The following C3orf49 variants were observed in gnomAD, a reference collection of about 807,000 sequenced individuals.
C3orf49 encodes chromosome 3 open reading frame 49.
In C3orf49, 27 loss-of-function variants were observed where a neutral mutation model predicts 13.3. The ratio of observed to expected loss-of-function variants is 2.02; its 90% CI spans 1.49 to 2.79. The LOEUF is 2.79. Ranked by LOEUF, C3orf49 falls within the 30% of genes most tolerant of loss-of-function variation. The pLI is 0.00. For synonymous variants in C3orf49, 87 were observed against 47.6 expected (o/e 1.83, Z -3.40); for missense variants, 242 against 134.2 (o/e 1.80, Z -3.97).
At chr3:63,830,444 C>G (rs1369293704) in intron 3 of C3orf49, among the ~76,000 whole-genome samples, 1 of 152,104 alleles carries the variant, frequency 6.6e-6, no homozygotes, top group Non-Finnish European at 1.5e-5. Flanking sequence ...GTCCCATATC[C>G]TACTTTGTGT....
intron 6 of C3orf49, among the ~76,000 whole-genome samples, chr3:63,848,047 C>T (rs569736301): frequency 2.0e-5 from 3 of 152,156 alleles, no homozygotes; most frequent in African/African-American, 7.2e-5. Flanking sequence ...CTCTTTGTAC[C>T]AATAAGATAC....
rs1701697516 is a variant in C3orf49 at position 63,839,010 on chromosome 3, G to A, written c.850-6013G>A. 2.0e-5 allele frequency among the ~76,000 whole-genome samples: 3 copies of A among 152,152 alleles called. 1 individual carries two copies. Among genetic ancestry groups the A allele is most frequent in the Admixed American group, 2.0e-4 (3 of 15,280 alleles). On this transcript the variant is annotated intron_variant, in intron 5 of 6. Transcript: ENST00000295896. ...GTTTGACACCAGCCTGGCCAACATG[G>A]TGAAACCCCATCTCTACTAAAATAC...
the C3orf49 span, among the ~76,000 whole-genome samples, chr3:63,789,456 A>C: frequency 6.6e-6 from 1 of 152,160 alleles, no homozygotes; most frequent in African/African-American, 2.4e-5. Context: ...TGTAACTTTG[A>C]ATCTTCATTT....
At chr3:63,831,252 G>A (rs1312728764) in intron 4 of C3orf49, 29 bp downstream of exon 4, 1 of 696,468 alleles carries the variant, frequency 1.4e-6, no homozygotes, top group Non-Finnish European at 2.6e-6. Flanking sequence ...TAACTTTTGA[G>A]TCTCAGAAGC....
At chr3:63,781,432 C>T in the C3orf49 span, among the ~76,000 whole-genome samples, 4,154 of 152,186 alleles carry the variant, frequency 0.027, 183 homozygotes, top group African/African-American at 0.087. Flanking sequence ...GTGATGCCTC[C>T]AGCTTCATTC....
the C3orf49 span, among the ~76,000 whole-genome samples, chr3:63,781,086 A>T: frequency 1.2e-4 from 17 of 144,930 alleles, no homozygotes; most frequent in South Asian, 1.8e-3. Flanking sequence ...CTGAATGGTA[A>T]TGCCTAGGTT....
At chr3:63,783,722 A>G in the C3orf49 span, among the ~76,000 whole-genome samples, 1 of 151,020 alleles carries the variant, frequency 6.6e-6, no homozygotes, top group East Asian at 1.9e-4. Flanking sequence ...CATCTCAAAA[A>G]AAAATTAAAT....
At chr3:63,799,992 T>C in the C3orf49 span, among the ~76,000 whole-genome samples, 1 of 152,202 alleles carries the variant, frequency 6.6e-6, no homozygotes, top group Non-Finnish European at 1.5e-5. Flanking sequence ...TTGCTAAAGT[T>C]ACTTAAGGAT....
the C3orf49 span, among the ~76,000 whole-genome samples, chr3:63,790,304 T>C: frequency 6.6e-6 from 1 of 152,206 alleles, no homozygotes; most frequent in South Asian, 2.1e-4. Context: ...TTGTAATATA[T>C]GCAGAATTGT....
chr3:63,795,938 A>C, the C3orf49 span, among the ~76,000 whole-genome samples: 1 of 152,126 alleles, frequency 6.6e-6, no homozygotes, highest in African/African-American at 2.4e-5. Context: ...CAAACTGCCA[A>C]CGTGTTTAGG....
the C3orf49 span, among the ~76,000 whole-genome samples, chr3:63,809,993 C>CA: frequency 6.7e-6 from 1 of 148,858 alleles, no homozygotes; most frequent in Non-Finnish European, 1.5e-5. Context: ...ACTAAAAATA[C>CA]AAAAAATTAG....
chr3:63,801,362 T>C, the C3orf49 span, among the ~76,000 whole-genome samples: 1 of 150,402 alleles, frequency 6.6e-6, no homozygotes, highest in Non-Finnish European at 1.5e-5. Context: ...ACATACACGG[T>C]GAAAAAATAA....
chr3:63,818,832 A>G (rs756230218), upstream of C3orf49, among the ~76,000 whole-genome samples: 3 of 152,214 alleles, frequency 2.0e-5, no homozygotes, highest in Admixed American at 1.3e-4. Context: ...TCAATTTAGC[A>G]ATGTACTTTG....
chr3:63,814,209 C>T, the C3orf49 span, among the ~76,000 whole-genome samples: 1 of 152,136 alleles, frequency 6.6e-6, no homozygotes, highest in Non-Finnish European at 1.5e-5. Context: ...AGAGAGTTAA[C>T]ATGAAAGCAT....
the C3orf49 span, among the ~76,000 whole-genome samples, chr3:63,795,899 G>A: frequency 2.6e-5 from 4 of 152,066 alleles, no homozygotes; most frequent in Admixed American, 6.6e-5. Flanking sequence ...AATTTGTCAA[G>A]TTTGTCAACA....
intron 5 of C3orf49, chr3:63,835,345 A>G: frequency 1.2e-6 from 2 of 1,613,548 alleles, no homozygotes; most frequent in African/African-American, 1.3e-5. Flanking sequence ...CACTTTCTTT[A>G]ATGTGTGAAA....
At chr3:63,779,789 T>C in the C3orf49 span, 1 of 152,088 alleles carries the variant, frequency 6.6e-6, no homozygotes, top group Admixed American at 6.6e-5. Flanking sequence ...TAGCATACGG[T>C]AGGATATATA....
the C3orf49 span, among the ~76,000 whole-genome samples, chr3:63,801,770 G>T: frequency 6.9e-6 from 1 of 144,944 alleles, no homozygotes. Context: ...ACAGGGAAGA[G>T]CATCTATGTA....
At chr3:63,839,204 T>C (rs1701702765) in intron 5 of C3orf49, among the ~76,000 whole-genome samples, 1 of 152,062 alleles carries the variant, frequency 6.6e-6, no homozygotes, top group Non-Finnish European at 1.5e-5. Flanking sequence ...AAAAAAAGAT[T>C]AGATATACGT....
Sources: gnomAD v4.1 joint callset for allele counts (sites outside exome capture counted in the v4.1 genomes callset) on GRCh38, gnomAD v4.1.1 for gene constraint, MANE v1.5 for transcripts, NCBI Gene and HGNC (gene_info 2026-07-23, HGNC 2026-07-21) for gene names.